Variants in RAD51B observed in about 807,000 individuals in gnomAD.
The protein encoded by RAD51B is RAD51 paralog B.
RAD51B carries 38 observed loss-of-function variants against 42.2 expected under a neutral mutation model. The observed-to-expected ratio is 0.90, with a 90% CI of 0.70 to 1.18. The LOEUF (loss-of-function observed/expected upper bound fraction) is 1.18. RAD51B is among the 50% of genes most tolerant of loss of function. The pLI is 0.00. For missense variants in RAD51B, 373 were observed against 400.7 expected (o/e 0.93, Z 0.59); for synonymous variants, 154 against 145.2 (o/e 1.06, Z -0.43).
At chr14:68,670,268 A>G (rs762554548) in intron 11 of RAD51B, among the ~76,000 whole-genome samples, 31 of 152,180 alleles carry the variant, frequency 2.0e-4, no homozygotes, top group South Asian at 4.1e-4. Context: ...GGAAATCAGC[A>G]TGGGGCTCCG....
At chr14:68,629,198 C>T (rs1387050807) in intron 10 of RAD51B, among the ~76,000 whole-genome samples, 7 of 152,156 alleles carry the variant, frequency 4.6e-5, no homozygotes, top group Admixed American at 4.6e-4. Context: ...AAAAGTAAGC[C>T]TTCAGCTGAC....
chr14:68,197,249 T>G (rs1190064477), intron 7 of RAD51B, among the ~76,000 whole-genome samples: 1 of 152,206 alleles, frequency 6.6e-6, no homozygotes, highest in Non-Finnish European at 1.5e-5. Context: ...CACTACAGAT[T>G]AGTTTTTCCT....
At position 68,517,243 on chromosome 14, in the gene RAD51B, G is replaced by A. The variant is rs529991531; in HGVS notation, c.1036+48993G>A. Among the ~76,000 whole-genome samples, 36 of 152,106 alleles carry A rather than the reference G, an allele frequency of 2.4e-4. 1 individual carries two copies. In the South Asian group the frequency reaches 7.5e-3, roughly 32 times the overall value. ...GGGAAGGGAAGGGAAGGAAAGGAAA[G>A]GGAAGGGGAAGGGGAAGGGAGGCAG... is the stretch of plus-strand genomic sequence containing the variant. On this transcript the variant is annotated intron_variant, in intron 10 of 10. Coordinates refer to the RAD51B transcript ENST00000487270.
intron 7 of RAD51B, among the ~76,000 whole-genome samples, chr14:68,110,122 T>C (rs1192387250): frequency 1.3e-5 from 2 of 151,886 alleles, no homozygotes; most frequent in African/African-American, 4.8e-5. Context: ...TACTAAGAAA[T>C]TGGAAAGTAA....
rs138950597 is a variant in RAD51B, at chr14:68,064,390, T to C, written c.756+177186T>C. On this transcript the variant is annotated intron_variant, in intron 7 of 10. Coordinates refer to ENST00000471583, the MANE Select transcript of RAD51B (RefSeq NM_133510.4). ...GCTGTTTTACAATTCTTTCTTTGTC[T>C]TTGACTTTTGACAGTTTGACTATAA... 3.0e-3 allele frequency among the ~76,000 whole-genome samples: 451 copies of C among 152,298 alleles called. 2 individuals carry two copies. The highest frequency in any genetic ancestry group is 0.01 in the African/African-American group (434 of 41,574).
At chr14:68,315,516 TTTTTTTTC>T (rs919233284) in intron 8 of RAD51B, among the ~76,000 whole-genome samples, 8 of 151,814 alleles carry the variant, frequency 5.3e-5, no homozygotes, top group African/African-American at 1.5e-4. Flanking sequence ...AAACTTTAGG[TTTTTTTTC>T]TTTTTTTCTT....
chr14:67,942,774 A>G (rs113261009), intron 7 of RAD51B, among the ~76,000 whole-genome samples: 29 of 152,306 alleles, frequency 1.9e-4, no homozygotes, highest in African/African-American at 6.7e-4. Flanking sequence ...ACATATAGCA[A>G]ATGAAAACTA....
intron 5 of RAD51B, among the ~76,000 whole-genome samples, chr14:67,879,708 A>T (rs984684101): frequency 3.3e-5 from 5 of 152,202 alleles, no homozygotes; most frequent in Admixed American, 1.3e-4. Context: ...TTAGTGTCTG[A>T]CTTAATAGAA....
At chr14:68,235,703 CAAAAAAAAAAAAAAAAA>C (rs57180468) in intron 7 of RAD51B, among the ~76,000 whole-genome samples, 5 of 14,042 alleles carry the variant, frequency 3.6e-4, no homozygotes, top group Non-Finnish European at 9.2e-4. Flanking sequence ...GACTCCGTCT[CAAAAAAAAAAAAAAAAA>C]AAAAAAAAAA....
intron 7 of RAD51B, among the ~76,000 whole-genome samples, chr14:68,047,409 T>A (rs1472419973): frequency 6.6e-6 from 1 of 152,124 alleles, no homozygotes; most frequent in African/African-American, 2.4e-5. Flanking sequence ...TATTTTAAAT[T>A]TATGATGATA....
chr14:68,110,225 G>A (rs556980145), intron 7 of RAD51B, among the ~76,000 whole-genome samples: 90 of 152,050 alleles, frequency 5.9e-4, no homozygotes, highest in African/African-American at 2.1e-3. Context: ...GCACTCTGTG[G>A]CATTCAAGAT....
At chr14:68,607,508 C>T (rs924581187) in intron 10 of RAD51B, among the ~76,000 whole-genome samples, 2 of 152,322 alleles carry the variant, frequency 1.3e-5, no homozygotes, top group Non-Finnish European at 1.5e-5. Context: ...AGCCCAGGCC[C>T]GTGAGGCTCC....
chr14:68,351,532 T>C (rs1400774982), intron 8 of RAD51B, among the ~76,000 whole-genome samples: 2 of 152,202 alleles, frequency 1.3e-5, no homozygotes, highest in Admixed American at 6.5e-5. Flanking sequence ...ATTACAGCCC[T>C]GACCCTTACC....
intron 7 of RAD51B, among the ~76,000 whole-genome samples, chr14:67,889,440 G>A (rs1347462228): frequency 1.3e-5 from 2 of 149,418 alleles, no homozygotes; most frequent in African/African-American, 4.9e-5. Context: ...ATGATAATTT[G>A]CTAAATTAAA....
chr14:68,073,186 T>A (rs1231040354), intron 7 of RAD51B, among the ~76,000 whole-genome samples: 1 of 152,222 alleles, frequency 6.6e-6, no homozygotes, highest in Non-Finnish European at 1.5e-5. Context: ...GGAATTCATG[T>A]TATGAATCTA....
chr14:68,257,347 G>A (rs547544724), intron 7 of RAD51B, among the ~76,000 whole-genome samples: 2 of 151,958 alleles, frequency 1.3e-5, no homozygotes, highest in East Asian at 3.9e-4. Flanking sequence ...AAAATTATAA[G>A]CATTACGCTA....
intron 7 of RAD51B, among the ~76,000 whole-genome samples, chr14:68,068,110 A>G (rs2076684100): frequency 6.6e-6 from 1 of 152,128 alleles, no homozygotes; most frequent in Admixed American, 6.5e-5. Flanking sequence ...CAATTTTTAG[A>G]TCAATGAAAA....
At chr14:68,558,475 G>A (rs985343365) in intron 10 of RAD51B, among the ~76,000 whole-genome samples, 7 of 152,196 alleles carry the variant, frequency 4.6e-5, no homozygotes, top group African/African-American at 1.7e-4. Flanking sequence ...CAAGGTTTCG[G>A]CAGGGCCATG....
chr14:68,294,835 G>A (rs947934837), intron 8 of RAD51B, among the ~76,000 whole-genome samples: 4 of 152,164 alleles, frequency 2.6e-5, no homozygotes, highest in Admixed American at 1.3e-4. Flanking sequence ...TTTCCTCCCT[G>A]TATGTTTTCT....
Sources: gnomAD v4.1 joint callset for allele counts (sites outside exome capture counted in the v4.1 genomes callset) on GRCh38, gnomAD v4.1.1 for gene constraint, MANE v1.5 for transcripts, NCBI Gene and HGNC (gene_info 2026-07-23, HGNC 2026-07-21) for gene names.